CHSY3: variants seen among roughly 807,000 people sequenced by gnomAD.
CHSY3 encodes the protein chondroitin sulfate synthase 3.
Under a neutral mutation model 67.2 loss-of-function variants are expected in CHSY3, and 35 were observed. The observed-to-expected ratio is 0.52, with a 90% CI of 0.40 to 0.69. The LOEUF (loss-of-function observed/expected upper bound fraction) is 0.69, where lower values mean the gene tolerates loss of function less well. Among genes scored for constraint, CHSY3 ranks in the 30% least tolerant of loss-of-function variants. CHSY3 has a pLI of 0.00. For missense variants in CHSY3, 1,069 were observed against 1,138.5 expected, an observed-to-expected ratio of 0.94 and a Z score of 0.88; for synonymous variants, 474 against 434.7, an observed-to-expected ratio of 1.09 and a Z score of -1.12.
chr5:129,963,468 A>G (rs538307810), intron 2 of CHSY3, among the ~76,000 whole-genome samples: 29 of 152,120 alleles, frequency 1.9e-4, no homozygotes, highest in African/African-American at 7.0e-4. Context: ...ATAACATTTA[A>G]CACTATTCTG....
chr5:130,162,291 T>A (rs1301801107), intron 2 of CHSY3, among the ~76,000 whole-genome samples: 1 of 152,148 alleles, frequency 6.6e-6, no homozygotes, highest in Non-Finnish European at 1.5e-5. Context: ...TATATTTTAA[T>A]GTTTTCACAT....
At chr5:129,909,439 G>C (rs1760453590) in intron 2 of CHSY3, among the ~76,000 whole-genome samples, 1 of 151,946 alleles carries the variant, frequency 6.6e-6, no homozygotes, top group Non-Finnish European at 1.5e-5. Context: ...TGTATTGTAA[G>C]TGTAGTCTCA....
chr5:130,075,910 A>G (rs1335176731), intron 2 of CHSY3, among the ~76,000 whole-genome samples: 1 of 152,064 alleles, frequency 6.6e-6, no homozygotes, highest in Non-Finnish European at 1.5e-5. Context: ...TTTCCTCTTG[A>G]CCTAATTTTC....
At chr5:130,153,234 A>G (rs1769279153) in intron 2 of CHSY3, among the ~76,000 whole-genome samples, 1 of 152,090 alleles carries the variant, frequency 6.6e-6, no homozygotes. Flanking sequence ...GCAACACAGC[A>G]AGACTCTAAA....
intron 2 of CHSY3, among the ~76,000 whole-genome samples, chr5:129,962,661 G>T (rs1246023235): frequency 6.6e-6 from 1 of 151,928 alleles, no homozygotes; most frequent in Non-Finnish European, 1.5e-5. Context: ...TCTGCTCTCT[G>T]CTCTCCAACC....
In CHSY3 at chr5:129,905,322, C is replaced by G. The variant is rs779288204; in HGVS notation, c.493C>G (p.Pro165Ala). The change falls in exon 1 of 3, where the codon CCG (proline) becomes GCG (alanine). Residue 165 changes from proline (P) to alanine (A), a missense_variant. Pro to Ala is a conservative substitution (Grantham distance 27). Around this residue, in one of 5 missense-constraint regions of CHSY3, gnomAD observed 309 missense variants for 262.5 expected, o/e 1.18. Transcript: ENST00000305031. ...NGSGDGGAAA[P>A]SARPRDFLYV... ...CAGCGGGGACGGGGGCGCTGCCGCC[C>G]CGAGCGCCCGACCCCGGGACTTCCT... 6.6e-7 allele frequency: 1 copy of G among 1,524,370 alleles called. No homozygotes were observed. Among genetic ancestry groups the G allele is most frequent in the Non-Finnish European group, 8.8e-7 (1 of 1,139,802 alleles). The allele number at this position is 1,524,370 out of a possible 1,614,324, so 94.4% of individuals were successfully genotyped here.
intron 2 of CHSY3, among the ~76,000 whole-genome samples, chr5:129,931,966 A>G (rs372985526): frequency 1.3e-5 from 2 of 151,944 alleles, no homozygotes; most frequent in East Asian, 3.9e-4. Context: ...GATAAAGCTA[A>G]TCTACTCTGC....
chr5:129,939,291 G>A (rs148002457), intron 2 of CHSY3, among the ~76,000 whole-genome samples: 2 of 152,102 alleles, frequency 1.3e-5, no homozygotes, highest in African/African-American at 4.8e-5. Context: ...CAACACTGGG[G>A]ATTGCAGTTC....
chr5:130,086,705 T>C (rs1766643813), intron 2 of CHSY3, among the ~76,000 whole-genome samples: 1 of 152,090 alleles, frequency 6.6e-6, no homozygotes, highest in Admixed American at 6.6e-5. Flanking sequence ...TAACAAGCTC[T>C]GAAATTGTGG....
At chr5:130,018,295 CTTTA>C (rs1294686487) in intron 2 of CHSY3, among the ~76,000 whole-genome samples, 1 of 152,050 alleles carries the variant, frequency 6.6e-6, no homozygotes, top group Non-Finnish European at 1.5e-5. Flanking sequence ...TATAGTAAGT[CTTTA>C]TTTGTCAAAT....
intron 2 of CHSY3, among the ~76,000 whole-genome samples, chr5:129,948,448 C>T (rs541084298): frequency 8.5e-5 from 13 of 152,272 alleles, no homozygotes. Context: ...GTTTTCCATT[C>T]CTGAATTACT....
intron 2 of CHSY3, among the ~76,000 whole-genome samples, chr5:130,094,065 A>G (rs1766968224): frequency 6.6e-6 from 1 of 152,166 alleles, no homozygotes; most frequent in Non-Finnish European, 1.5e-5. Flanking sequence ...CAGCACACTC[A>G]GTAAAGGGGC....
At position 129,993,281 on chromosome 5, in the gene CHSY3, G is replaced by A. The variant is rs554009489; in HGVS notation, c.1086+84921G>A. Among the ~76,000 whole-genome samples the A allele has an allele frequency of 2.2e-4, 34 of 152,080 alleles. No individual in the cohort carries two copies. In the South Asian group the frequency reaches 6.2e-3, roughly 28 times the overall value. On this transcript the variant is annotated intron_variant, in intron 2 of 2. Transcript: ENST00000305031. ...TTTAAGAGTGATGTGATTCCATCTC[G>A]TTGATCTGTTTAATGTTGACAGTGG... is the stretch of plus-strand genomic sequence containing the variant.
intron 2 of CHSY3, among the ~76,000 whole-genome samples, chr5:130,183,442 T>C (rs1770309971): frequency 6.6e-6 from 1 of 152,116 alleles, no homozygotes; most frequent in African/African-American, 2.4e-5. Context: ...GGATGCTAAA[T>C]GAAATTTACG....
intron 2 of CHSY3, among the ~76,000 whole-genome samples, chr5:129,931,176 G>A (rs1245478671): frequency 6.6e-6 from 1 of 151,998 alleles, no homozygotes; most frequent in Non-Finnish European, 1.5e-5. Context: ...CTACACATGT[G>A]TCTCCATTCT....
intron 2 of CHSY3, chr5:130,141,150 C>A: frequency 2.5e-6 from 1 of 396,064 alleles, no homozygotes; most frequent in Admixed American, 3.5e-5. Context: ...GCTGTCCAGG[C>A]AGCCATCCTA....
At chr5:130,069,134 T>C (rs1456596405) in intron 2 of CHSY3, among the ~76,000 whole-genome samples, 4 of 152,216 alleles carry the variant, frequency 2.6e-5, no homozygotes, top group African/African-American at 7.2e-5. Flanking sequence ...AGAATGTTAC[T>C]GAAGAGGCAA....
chr5:130,055,574 A>T (rs917220684), intron 2 of CHSY3, among the ~76,000 whole-genome samples: 2 of 152,116 alleles, frequency 1.3e-5, no homozygotes, highest in Non-Finnish European at 2.9e-5. Flanking sequence ...AATTAGTTTC[A>T]TGGAATCAAA....
intron 2 of CHSY3, among the ~76,000 whole-genome samples, chr5:130,049,498 T>C (rs1765262817): frequency 6.6e-6 from 1 of 152,084 alleles, no homozygotes; most frequent in South Asian, 2.1e-4. Context: ...GCCCACCATA[T>C]AAGCAGCTCC....
Sources: gnomAD v4.1 joint callset for allele counts (sites outside exome capture counted in the v4.1 genomes callset) on GRCh38, gnomAD v4.1.1 for gene constraint, gnomAD v4.1.1 regional missense constraint, MANE v1.5 for transcripts, NCBI Gene and HGNC (gene_info 2026-07-23, HGNC 2026-07-21) for gene names.